CASKIN2: variants seen among roughly 807,000 people sequenced by gnomAD.
CASKIN2 encodes CASK interacting protein 2.
A neutral mutation model predicts 107.1 loss-of-function variants in CASKIN2; 41 were observed. The observed-to-expected ratio is 0.38, with a 90% confidence interval of 0.30 to 0.50. The LOEUF is 0.50. Among genes scored for constraint, CASKIN2 ranks in the 20% least tolerant of loss-of-function variants. CASKIN2 has a pLI of 0.92. For synonymous variants in CASKIN2, 724 were observed against 705.6 expected (o/e 1.03, Z -0.41); for missense variants, 1,546 against 1,657.4 (o/e 0.93, Z 1.17).
Position 75,506,441 on chromosome 17 carries a change from G to A in CASKIN2, c.618-28C>T, listed in dbSNP as rs746579402. ...GCAGTGGACGGGGGGAGTCACGGGG[G>A]AGGTGGCGTAGGAGGGGGTGCTGAC... On this transcript the variant is annotated intron_variant, in intron 7 of 19. Coordinates refer to ENST00000321617, the MANE Select transcript of CASKIN2 (RefSeq NM_020753.5). This position sits in a 1 kb window ranked among gnomAD's most constrained non-coding sequence, Gnocchi z 4.8. The A allele has an allele frequency of 3.1e-6, 5 of 1,594,850 alleles. No individual in the cohort carries two copies. Among genetic ancestry groups the A allele is most frequent in the Non-Finnish European group, 4.3e-6 (5 of 1,169,916 alleles).
In CASKIN2 at chr17:75,504,270, G is replaced by A; in HGVS notation, c.1412C>T (p.Ser471Phe). ...LSHRPLANCR[S>F]GEQIFTQDVR... Reference sequence around the variant, plus strand: ...GTCCTGGGTGAAGATCTGCTCCCCAGAGCGGCAGTTGGCCAGAGGGCGGTG... The same window carrying A: ...GTCCTGGGTGAAGATCTGCTCCCCAAAGCGGCAGTTGGCCAGAGGGCGGTG... Residue 471 changes from serine to phenylalanine, a missense_variant, in exon 14 of 20, where the codon TCT becomes TTT. This residue lies in a region of CASKIN2 where 1,311 missense variants were observed against 1,311.0 expected (regional missense o/e 1.00). Transcript: ENST00000321617. 1 of 1,607,390 alleles carries A rather than the reference G, an allele frequency of 6.2e-7. No homozygotes were observed. Among genetic ancestry groups the A allele is most frequent in the Non-Finnish European group, 8.5e-7 (1 of 1,177,484 alleles).
Position 75,504,697 on chromosome 17 carries a change from T to C in CASKIN2, c.1193-4A>G, listed in dbSNP as rs967260777. On this transcript the variant is annotated splice_polypyrimidine_tract_variant and splice_region_variant and intron_variant, in intron 11 of 19. Coordinates refer to ENST00000321617, the MANE Select transcript of CASKIN2 (RefSeq NM_020753.5). ...CCCACACTATTCCTGTCACCTGCTG[T>C]GGGGGGCAGAAGCCAAGGGGTCAGA... The C allele has an allele frequency of 3.1e-6, 5 of 1,590,214 alleles. No homozygotes were observed. In the Admixed American group the frequency reaches 6.9e-5, roughly 22 times the overall value.
rs776812405 is a variant in CASKIN2 at position 75,504,702 on chromosome 17, G to T, written c.1193-9C>A. ...ACTATTCCTGTCACCTGCTGTGGGG[G>T]GCAGAAGCCAAGGGGTCAGAGTCCC... On this transcript the variant is annotated splice_polypyrimidine_tract_variant and intron_variant, in intron 11 of 19. Coordinates refer to ENST00000321617, the MANE Select transcript of CASKIN2 (RefSeq NM_020753.5). 1 of 1,587,556 alleles carries T rather than the reference G, an allele frequency of 6.3e-7. No individual in the cohort carries two copies.
rs2053209264 is a variant in CASKIN2, at chr17:75,502,446, G to C, written c.2628C>G (p.Leu876=). 4 of 1,442,170 alleles carry C rather than the reference G, an allele frequency of 2.8e-6. No homozygotes were observed. In the South Asian group the frequency reaches 6.0e-5, roughly 22 times the overall value. The allele number at this position is 1,442,170 out of a possible 1,614,324, so 89.3% of individuals were successfully genotyped here. Reference sequence around the variant, plus strand: ...CCGGGCTGGGGCCAGAGACGGAGCTGAGGCGCTTGGGGGGCGGGGGCGGGG... The same window carrying C: ...CCGGGCTGGGGCCAGAGACGGAGCTCAGGCGCTTGGGGGGCGGGGGCGGGG... The part of the protein sequence containing the change: ...KGPPPPPPKR[L]SSVSGPSPEP... Residue 876 remains leucine (L), a synonymous_variant, in exon 18 of 20, where the codon CTC becomes CTG. Transcript: ENST00000321617. The surrounding 1 kb of genome is among the most constrained non-coding windows in gnomAD (Gnocchi z 4.3).
chr17:75,501,539 C>T lies in CASKIN2; in HGVS notation c.3447G>A (p.Glu1149=), dbSNP rs368430836. 103 of 1,612,430 alleles carry T rather than the reference C, an allele frequency of 6.4e-5. No individual in the cohort carries two copies. Among genetic ancestry groups the T allele is most frequent in the Middle Eastern group, 1.6e-4 (1 of 6,082 alleles). Residue 1149 remains glutamate (E), a synonymous_variant, in exon 19 of 20, where the codon GAG becomes GAA. Transcript: ENST00000321617. ...CAGCTGCCAGGGACGAGCTGGTCTG[C>T]TCCAGTCTCTGCTGGGCCTGGCCTG... ...VGPGQAQQRL[E]QTSSSLAAAL... is the part of the protein sequence containing the mutation.
rs1477201211 is a variant in CASKIN2, at chr17:75,502,557, G to A, written c.2517C>T (p.Val839=). 6 of 1,569,636 alleles carry A rather than the reference G, an allele frequency of 3.8e-6. No individual in the cohort carries two copies. In the African/African-American group the frequency reaches 6.7e-5, roughly 18 times the overall value. ...TTGGGGTCACACTAGGACTGGTCCGGACAAGGGCACTGCGTCCTGGCCGCC... is the reference window on the plus strand; with the variant it reads ...TTGGGGTCACACTAGGACTGGTCCGAACAAGGGCACTGCGTCCTGGCCGCC... The part of the protein sequence containing the change: ...LTRRPGRSAL[V]RTSPSVTPTP... The change falls in exon 18 of 20, where the codon GTC becomes GTT. Residue 839 remains valine (V), a synonymous_variant. Coordinates refer to ENST00000321617, the MANE Select transcript of CASKIN2 (RefSeq NM_020753.5). This position sits in a 1 kb window ranked among gnomAD's most constrained non-coding sequence, Gnocchi z 4.3.
chr17:75,513,411 C>A (rs1406476106), intron 2 of CASKIN2, among the ~76,000 whole-genome samples: 1 of 152,200 alleles, frequency 6.6e-6, no homozygotes, highest in East Asian at 1.9e-4. Context: ...TGCCACTGTA[C>A]TCCAGCCTGG....
Position 75,513,779 on chromosome 17 carries a change from A to C in CASKIN2, c.26T>G (p.Leu9Arg), listed in dbSNP as rs778265324. The C allele has an allele frequency of 6.2e-7, 1 of 1,613,680 alleles. No individual in the cohort carries two copies. The highest frequency in any genetic ancestry group is 8.5e-7 in the Non-Finnish European group (1 of 1,180,012). Residue 9 changes from leucine to arginine, a missense_variant, in exon 2 of 20, where the codon CTC becomes CGC. Transcript: ENST00000321617. MGREQDLI[L>R]AVKNGDVTGV... The stretch of plus-strand genomic sequence containing the variant: ...GGTCACATCTCCATTCTTGACGGCG[A>C]GGATCAGGTCCTGTTCACGACCCAT...
Position 75,502,317 on chromosome 17 carries a change from T to G in CASKIN2, c.2757A>C (p.Pro919=). Reference sequence around the variant, plus strand: ...CTGACGCGGGCCCAGCCGGGGCAGGTGGGCCAGGGGGCTCTGAGGGGCCAG... The same window carrying G: ...CTGACGCGGGCCCAGCCGGGGCAGGGGGGCCAGGGGGCTCTGAGGGGCCAG... The part of the protein sequence containing the change: ...EPAGPSEPPG[P]PAPAGPASDT... Residue 919 remains proline, a synonymous_variant, in exon 18 of 20, where the codon CCA becomes CCC. Transcript: ENST00000321617. The surrounding 1 kb of genome is among the most constrained non-coding windows in gnomAD (Gnocchi z 4.3). The G allele has an allele frequency of 6.7e-7, 1 of 1,488,296 alleles. No homozygotes were observed. Among genetic ancestry groups the G allele is most frequent in the Non-Finnish European group, 8.9e-7 (1 of 1,122,472 alleles). 92.2% of individuals were successfully genotyped at this position (1,488,296 alleles called of 1,614,324 possible).
intron 2 of CASKIN2, chr17:75,509,521 A>G: frequency 1.0e-6 from 1 of 963,992 alleles, no homozygotes; most frequent in Non-Finnish European, 1.2e-6. Flanking sequence ...CCACAAAGGT[A>G]AAGACAGAGC....
chr17:75,502,398 G>C lies in CASKIN2; in HGVS notation c.2676C>G (p.Ser892Arg). 6.8e-7 allele frequency: 1 copy of C among 1,475,182 alleles called. No individual in the cohort carries two copies. The highest frequency in any genetic ancestry group is 9.0e-7 in the Non-Finnish European group (1 of 1,115,032). 91.4% of individuals were successfully genotyped at this position (1,475,182 alleles called of 1,614,324 possible). A position where few individuals can be genotyped will look rare whatever the true frequency, so the allele number is the denominator to read the frequency against. ...CTGTGGCCCCTTCCTTGGGCCCTGG[G>C]CTCTCATCTAGTGGAGGTGGCTCCG... ...PSPEPPPLDE[S>R]PGPKEGATGP... The change falls in exon 18 of 20, where the codon AGC (serine) becomes AGG (arginine). Residue 892 changes from serine (S) to arginine (R), a missense_variant. Around this residue, in one of 6 missense-constraint regions of CASKIN2, gnomAD observed 1,311 missense variants for 1,311.0 expected, o/e 1.00. Transcript: ENST00000321617. The surrounding 1 kb of genome is among the most constrained non-coding windows in gnomAD (Gnocchi z 4.3).
At chr17:75,503,290 G>A in intron 17 of CASKIN2, 36 bp from the exon 18 acceptor site, 2 of 1,573,656 alleles carry the variant, frequency 1.3e-6, no homozygotes, top group Non-Finnish European at 1.7e-6. Context: ...GGTTAGCTGG[G>A]GCTGGGGTTG....
rs2147000357 is a variant in CASKIN2, at chr17:75,513,787, G to C, written c.18C>G (p.Asp6Glu). 6.2e-7 allele frequency: 1 copy of C among 1,613,730 alleles called. No homozygotes were observed. The highest frequency in any genetic ancestry group is 2.2e-5 in the East Asian group (1 of 44,876). Residue 6 changes from aspartate to glutamate, a missense_variant, in exon 2 of 20, where the codon GAC (aspartate) becomes GAG (glutamate). Transcript: ENST00000321617. MGREQ[D>E]LILAVKNGDV... ...CTCCATTCTTGACGGCGAGGATCAG[G>C]TCCTGTTCACGACCCATACTGGCTC... is the stretch of plus-strand genomic sequence containing the variant.
rs139519135 is a variant in CASKIN2 at position 75,504,997 on chromosome 17, T to G, written c.1007A>C (p.Tyr336Ser). 1.2e-6 allele frequency: 2 copies of G among 1,609,444 alleles called. No homozygotes were observed. Among genetic ancestry groups the G allele is most frequent in the Middle Eastern group, 1.7e-4 (1 of 6,050 alleles). The part of the protein sequence containing the change: ...ESQRGTDRIG[Y>S]FPPGIVEVVS... ...CACCTCGACAATGCCCGGGGGGAAG[T>G]AGCCTATGCGGTCTGTGCCCCTCTG... The change falls in exon 11 of 20, where the codon TAC becomes TCC. Residue 336 changes from tyrosine to serine, a missense_variant. This residue lies in a region of CASKIN2 where 1,311 missense variants were observed against 1,311.0 expected (regional missense o/e 1.00). Transcript: ENST00000321617.
rs11868796 is a variant in CASKIN2 at position 75,506,138 on chromosome 17, G to A, written c.726+167C>T. ...GTGCCAATCAGGTTGGTCTGCCCCC[G>A]ATCCATCTGCACCGCCTCGGCACCA... On this transcript the variant is annotated intron_variant, in intron 8 of 19. Coordinates refer to ENST00000321617, the MANE Select transcript of CASKIN2 (RefSeq NM_020753.5). The surrounding 1 kb of genome is among the most constrained non-coding windows in gnomAD (Gnocchi z 4.8). 2.6e-5 allele frequency among the ~76,000 whole-genome samples: 4 copies of A among 151,960 alleles called. No individual in the cohort carries two copies. The highest frequency in any genetic ancestry group is 5.9e-5 in the Non-Finnish European group (4 of 67,986).
chr17:75,503,591 G>T, intron 16 of CASKIN2, 64 bp from the exon 17 acceptor site: 1 of 1,603,786 alleles, frequency 6.2e-7, no homozygotes. Flanking sequence ...GAGGAGAAAA[G>T]GCACCGCAAA....
Position 75,505,098 on chromosome 17 carries a change from G to T in CASKIN2, c.931-25C>A. 8.4e-7 allele frequency: 1 copy of T among 1,187,030 alleles called. No individual in the cohort carries two copies. The highest frequency in any genetic ancestry group is 1.2e-6 in the Non-Finnish European group (1 of 831,562). The allele number at this position is 1,187,030 out of a possible 1,614,324, so 73.5% of individuals were successfully genotyped here. On this transcript the variant is annotated intron_variant, in intron 10 of 19. Coordinates refer to ENST00000321617, the MANE Select transcript of CASKIN2 (RefSeq NM_020753.5). This position sits in a 1 kb window ranked among gnomAD's most constrained non-coding sequence, Gnocchi z 5.1. Reference sequence around the variant, plus strand: ...CCTGCGGCCAGGGGTGGGGGGCGGGGACGGTCACTCCCAGCACCAGGCAAG... The same window carrying T: ...CCTGCGGCCAGGGGTGGGGGGCGGGTACGGTCACTCCCAGCACCAGGCAAG...
At chr17:75,511,221 G>A (rs1567998038) in intron 2 of CASKIN2, among the ~76,000 whole-genome samples, 1 of 151,852 alleles carries the variant, frequency 6.6e-6, no homozygotes, top group Non-Finnish European at 1.5e-5. Context: ...CCACCACACT[G>A]AGCTAATTTT....
intron 2 of CASKIN2, chr17:75,509,802 T>G: frequency 2.0e-6 from 2 of 985,568 alleles, no homozygotes; most frequent in Non-Finnish European, 2.4e-6. Flanking sequence ...CACTCTTCCA[T>G]TAGCCCTCCT....
Sources: gnomAD v4.1 joint callset for allele counts (sites outside exome capture counted in the v4.1 genomes callset) on GRCh38, gnomAD v4.1.1 for gene constraint, gnomAD v4.1.1 regional missense constraint, Gnocchi (gnomAD v3.1) non-coding constraint, MANE v1.5 for transcripts, NCBI Gene and HGNC (gene_info 2026-07-23, HGNC 2026-07-21) for gene names.